NUP160: variants seen among roughly 807,000 people sequenced by gnomAD.
NUP160 encodes nucleoporin 160.
NUP160 carries 94 observed loss-of-function variants against 196.9 expected under a neutral mutation model. That is an observed-to-expected ratio of 0.48 (90% CI 0.40 to 0.57). The LOEUF (loss-of-function observed/expected upper bound fraction) is 0.57, where lower values mean the gene tolerates loss of function less well. Ranked by LOEUF, NUP160 falls within the 20% of genes least tolerant of loss-of-function variation. The pLI, the probability that NUP160 is intolerant of heterozygous loss-of-function variation, is 0.00. For synonymous variants in NUP160, 605 were observed against 619.7 expected (o/e 0.98, Z 0.35); for missense variants, 1,638 against 1,748.3 (o/e 0.94, Z 1.13).
Position 47,819,357 on chromosome 11 carries a change from T to C in NUP160, c.1362+17A>G. The C allele has an allele frequency of 6.6e-7, 1 of 1,508,646 alleles. No homozygotes were observed. Among genetic ancestry groups the C allele is most frequent in the Non-Finnish European group, 9.2e-7 (1 of 1,085,216 alleles). 93.5% of individuals were successfully genotyped at this position (1,508,646 alleles called of 1,614,324 possible). A position where few individuals can be genotyped will look rare whatever the true frequency, so the allele number is the denominator to read the frequency against. ...AAGTAAATCATTCCCTTATATAACATTTGAGCATCTACTTACTCTGGGGTC... is the reference window on the plus strand; with the variant it reads ...AAGTAAATCATTCCCTTATATAACACTTGAGCATCTACTTACTCTGGGGTC... On this transcript the variant is annotated intron_variant, in intron 10 of 35. Coordinates refer to ENST00000378460, the Ensembl canonical transcript of NUP160.
chr11:47,829,697 C>T (rs546971710), intron 7 of NUP160, among the ~76,000 whole-genome samples: 372 of 152,266 alleles, frequency 2.4e-3, no homozygotes, highest in Middle Eastern at 0.014. Context: ...CCCTTCCTTA[C>T]ACGATATACA....
intron 7 of NUP160, among the ~76,000 whole-genome samples, chr11:47,833,279 C>A (rs1212958062): frequency 1.3e-5 from 2 of 151,672 alleles, no homozygotes; most frequent in Non-Finnish European, 2.9e-5. Flanking sequence ...CATGGTGAAA[C>A]CCCATCTCTA....
At chr11:47,781,562 C>T (rs112120149) in intron 34 of NUP160, among the ~76,000 whole-genome samples, 12 of 152,134 alleles carry the variant, frequency 7.9e-5, no homozygotes, top group African/African-American at 2.9e-4. Context: ...TTGCACCTGG[C>T]TGATTTCATG....
intron 7 of NUP160, among the ~76,000 whole-genome samples, chr11:47,825,081 C>T (rs1460746822): frequency 6.6e-5 from 10 of 152,066 alleles, no homozygotes; most frequent in Non-Finnish European, 8.8e-5. Context: ...GTGATCTGCC[C>T]GCCTCGGCCT....
At chr11:47,842,733 T>C (rs1468672435) in intron 2 of NUP160, among the ~76,000 whole-genome samples, 6 of 152,196 alleles carry the variant, frequency 3.9e-5, no homozygotes, top group African/African-American at 1.2e-4. Flanking sequence ...CTCATGCCTA[T>C]GATCCCAGCA....
Position 47,806,435 on chromosome 11 carries a change from T to G in NUP160, c.2447-123A>C, listed in dbSNP as rs1599320858. ...TTAGCACTTCAAAACAGAAAATGTATCACGGGTATATATCCAGTGGCAATA... is the reference window on the plus strand; with the variant it reads ...TTAGCACTTCAAAACAGAAAATGTAGCACGGGTATATATCCAGTGGCAATA... On this transcript the variant is annotated intron_variant, in intron 19 of 35. Transcript: ENST00000378460. The G allele has an allele frequency of 2.0e-5, 14 of 707,128 alleles. No individual in the cohort carries two copies. The East Asian group carries it at 3.8e-4, about 19-fold the overall frequency. The allele number at this position is 707,128 out of a possible 1,614,324, so 43.8% of individuals were successfully genotyped here. A position where few individuals can be genotyped will look rare whatever the true frequency, so the allele number is the denominator to read the frequency against.
At chr11:47,817,078 C>T (rs1306737667) in intron 11 of NUP160, among the ~76,000 whole-genome samples, 1 of 151,430 alleles carries the variant, frequency 6.6e-6, no homozygotes, top group Admixed American at 6.6e-5. Flanking sequence ...TGGGCTAAAG[C>T]AGTCCTCCAA....
intron 3 of NUP160, 104 bp from the exon 4 acceptor site, chr11:47,840,169 G>A: frequency 1.1e-6 from 1 of 908,612 alleles, no homozygotes; most frequent in Non-Finnish European, 1.7e-6. Context: ...AAACTGTCAA[G>A]TTTAAGAAAG....
rs1016068224 is a variant in NUP160, at chr11:47,840,204, T to A, written c.526-139A>T. On this transcript the variant is annotated intron_variant, in intron 3 of 35. Transcript: ENST00000378460. ...GCTATTCTTCTTAATGAAAACTAAT[T>A]CTCAACTTAAAATGTATGCCTGATC... The A allele has an allele frequency of 1.1e-5, 9 of 846,524 alleles. No individual in the cohort carries two copies. The Admixed American group carries it at 1.4e-4, about 13-fold the overall frequency. 52.4% of individuals were successfully genotyped at this position (846,524 alleles called of 1,614,324 possible). A position where few individuals can be genotyped will look rare whatever the true frequency, so the allele number is the denominator to read the frequency against.
At chr11:47,840,904 G>A (rs1249020682) in intron 2 of NUP160, among the ~76,000 whole-genome samples, 1 of 152,042 alleles carries the variant, frequency 6.6e-6, no homozygotes, top group Non-Finnish European at 1.5e-5. Context: ...TGCTTGTAGT[G>A]GAATGTGGCC....
chr11:47,837,735 T>C, intron 4 of NUP160, 112 bp from the exon 5 acceptor site: 1 of 750,924 alleles, frequency 1.3e-6, no homozygotes, highest in Non-Finnish European at 2.3e-6. Context: ...CGTATTTCTG[T>C]ACTAACAAAG....
chr11:47,806,852 C>CACACACACACATAT (rs1428564239), intron 19 of NUP160, among the ~76,000 whole-genome samples: 1 of 124,336 alleles, frequency 8.0e-6, no homozygotes, highest in Admixed American at 8.5e-5. Context: ...CACACACACA[C>CACACACACACATAT]ATATATATAC....
intron 31 of NUP160, 32 bp downstream of exon 31, chr11:47,788,150 A>G (rs750346269): frequency 6.3e-7 from 1 of 1,575,176 alleles, no homozygotes; most frequent in Non-Finnish European, 8.7e-7. Flanking sequence ...TTTGCATTAG[A>G]AAAGACTATA....
chr11:47,818,129 T>G lies in NUP160; in HGVS notation c.1363-5A>C. Reference sequence around the variant, plus strand: ...AAGACTTTGCAGATACATCTCCTATTAGAACATTAAAACAAAAGTTACTAT... The same window carrying G: ...AAGACTTTGCAGATACATCTCCTATGAGAACATTAAAACAAAAGTTACTAT... On this transcript the variant is annotated splice_region_variant and splice_polypyrimidine_tract_variant and intron_variant, in intron 10 of 35. Coordinates refer to ENST00000378460, the Ensembl canonical transcript of NUP160. The G allele has an allele frequency of 6.3e-7, 1 of 1,595,094 alleles. No homozygotes were observed.
chr11:47,779,151 T>A, exon 36 of NUP160: 1 of 1,613,802 alleles, frequency 6.2e-7, no homozygotes, highest in Non-Finnish European at 8.5e-7. Flanking sequence ...CTTATCAACT[T>A]TTTGCTGGTA....
chr11:47,833,348 T>C (rs556671498), intron 7 of NUP160, among the ~76,000 whole-genome samples: 6 of 151,744 alleles, frequency 4.0e-5, no homozygotes, highest in Non-Finnish European at 7.4e-5. Flanking sequence ...CCAGCCACTG[T>C]GGAGGCTGAT....
intron 7 of NUP160, among the ~76,000 whole-genome samples, chr11:47,822,944 C>T (rs2135385937): frequency 6.6e-6 from 1 of 152,236 alleles, no homozygotes; most frequent in Middle Eastern, 3.4e-3. Flanking sequence ...GTATATGTGC[C>T]ACATTTTCTT....
At position 47,808,523 on chromosome 11, in the gene NUP160, A is replaced by C. The variant is rs754226637; in HGVS notation, c.2248T>G (p.Trp750Gly). Residue 750 changes from tryptophan (W) to glycine (G), a missense_variant, in exon 18 of 36, where the codon TGG becomes GGG. Trp to Gly is a radical substitution (Grantham distance 184). Coordinates refer to ENST00000378460, the Ensembl canonical transcript of NUP160. Reference sequence around the variant, plus strand: ...GCTTGAAAGAGCTGACCAGTTCCCCAAATCACCTATACATTATGGGTAGGT... The same window carrying C: ...GCTTGAAAGAGCTGACCAGTTCCCCCAATCACCTATACATTATGGGTAGGT... The C allele has an allele frequency of 5.7e-5, 92 of 1,613,754 alleles. No individual in the cohort carries two copies. The highest frequency in any genetic ancestry group is 8.3e-5 in the Admixed American group (5 of 59,966).
intron 23 of NUP160, among the ~76,000 whole-genome samples, chr11:47,800,386 G>A (rs188340858): frequency 1.9e-3 from 285 of 151,946 alleles, no homozygotes; most frequent in Middle Eastern, 0.014. Context: ...GAAAGTAGAG[G>A]GTTTTTTTCT....
Sources: gnomAD v4.1 joint callset for allele counts (sites outside exome capture counted in the v4.1 genomes callset) on GRCh38, gnomAD v4.1.1 for gene constraint, MANE v1.5 for transcripts, NCBI Gene and HGNC (gene_info 2026-07-23, HGNC 2026-07-21) for gene names.